BTAF1: variants seen among roughly 807,000 people sequenced by gnomAD.
BTAF1 encodes the protein TATA-binding protein-associated factor 172.
Under a neutral mutation model 227.1 loss-of-function variants are expected in BTAF1, and 38 were observed. That is an observed-to-expected ratio of 0.17 (90% confidence interval 0.13 to 0.22). BTAF1 has a LOEUF of 0.22. Ranked by LOEUF, BTAF1 falls within the 10% of genes least tolerant of loss-of-function variation. The pLI, the probability that BTAF1 is intolerant of heterozygous loss-of-function variation, is 1.00. For missense variants in BTAF1, 1,598 were observed against 2,204.0 expected (o/e 0.73, Z 5.51); for synonymous variants, 742 against 751.9 (o/e 0.99, Z 0.21).
Position 91,991,271 on chromosome 10 carries a change from A to ATATATATATATATATATATAT in BTAF1, c.2855-848_2855-847insTATATATATATATATATATAT, listed in dbSNP as rs1564699914. 1.8e-3 allele frequency among the ~76,000 whole-genome samples: 121 copies of ATATATATATATATATATATAT among 66,118 alleles called. 3 individuals carry two copies. Among genetic ancestry groups the ATATATATATATATATATATAT allele is most frequent in the South Asian group, 6.4e-3 (11 of 1,706 alleles). 43.4% of individuals were successfully genotyped at this position (66,118 alleles called of 152,430 possible). A position where few individuals can be genotyped will look rare whatever the true frequency, so the allele number is the denominator to read the frequency against. On this transcript the variant is annotated intron_variant, in intron 20 of 37. Coordinates refer to ENST00000265990, the MANE Select transcript of BTAF1 (RefSeq NM_003972.3). Reference sequence around the variant, plus strand: ...AAAAAAATATATAAATATAAATATAAATATATATATATATATATATAAATT... The same window carrying ATATATATATATATATATATAT: ...AAAAAAATATATAAATATAAATATAATATATATATATATATATATATATATATATATATATATATATAAATT...
chr10:91,939,716 G>C (rs1844867848), intron 2 of BTAF1, among the ~76,000 whole-genome samples: 1 of 152,194 alleles, frequency 6.6e-6, no homozygotes, highest in African/African-American at 2.4e-5. Context: ...GGGATTATAG[G>C]TGTGAGCCAC....
chr10:91,952,998 A>G (rs1294163497), intron 5 of BTAF1, among the ~76,000 whole-genome samples: 3 of 152,186 alleles, frequency 2.0e-5, no homozygotes, highest in Admixed American at 2.0e-4. Context: ...CCAGATTTAT[A>G]TATCATGGAC....
chr10:91,939,334 A>C (rs1311447922), intron 2 of BTAF1, among the ~76,000 whole-genome samples: 1 of 152,354 alleles, frequency 6.6e-6, no homozygotes, highest in East Asian at 1.9e-4. Flanking sequence ...ATAACTTTCA[A>C]TTCTTTGTAT....
intron 37 of BTAF1, among the ~76,000 whole-genome samples, chr10:92,028,520 T>G (rs1851678206): frequency 6.6e-6 from 1 of 152,178 alleles, no homozygotes; most frequent in Non-Finnish European, 1.5e-5. Context: ...GACATCCATA[T>G]ATACATACAC....
At chr10:91,994,444 C>A in intron 22 of BTAF1, 91 bp from the exon 23 acceptor site, 1 of 857,314 alleles carries the variant, frequency 1.2e-6, no homozygotes, top group Non-Finnish European at 1.8e-6. Flanking sequence ...ATTGACTCTC[C>A]TATGCTAGCT....
chr10:92,007,459 C>T (rs1056723091), intron 25 of BTAF1, among the ~76,000 whole-genome samples: 3 of 152,004 alleles, frequency 2.0e-5, no homozygotes, highest in African/African-American at 4.8e-5. Flanking sequence ...TCAAGTGAGC[C>T]GCCTGCCTCA....
Position 92,008,246 on chromosome 10 carries a change from A to G in BTAF1, c.3784A>G (p.Ile1262Val), listed in dbSNP as rs1564713540. The G allele has an allele frequency of 2.5e-6, 4 of 1,588,990 alleles. No individual in the cohort carries two copies. Among genetic ancestry groups the G allele is most frequent in the Non-Finnish European group, 3.4e-6 (4 of 1,174,310 alleles). ...GGAAAATTATAAAATTCCAGTACCAATCAATGCTGAACTCAGAAAATATCA... is the reference window on the plus strand; with the variant it reads ...GGAAAATTATAAAATTCCAGTACCAGTCAATGCTGAACTCAGAAAATATCA... ...KLENYKIPVP[I>V]NAELRKYQQD... The change falls in exon 26 of 38, where the codon ATC (isoleucine) becomes GTC (valine). Residue 1262 changes from isoleucine to valine, a missense_variant. Around this residue, in one of 10 missense-constraint regions of BTAF1, gnomAD observed 184 missense variants for 341.1 expected, o/e 0.54. Transcript: ENST00000265990.
At chr10:91,946,580 G>A (rs541214699) in intron 4 of BTAF1, among the ~76,000 whole-genome samples, 2 of 152,198 alleles carry the variant, frequency 1.3e-5, no homozygotes, top group South Asian at 2.1e-4. Flanking sequence ...ATTATCTGAT[G>A]TTTTGATTAT....
chr10:92,021,653 TG>T (rs1331140155), intron 34 of BTAF1, among the ~76,000 whole-genome samples: 1 of 151,726 alleles, frequency 6.6e-6, no homozygotes, highest in Non-Finnish European at 1.5e-5. Flanking sequence ...GCCATTCTCT[TG>T]CCTCAGCCTC....
At chr10:91,951,225 A>G (rs898284793) in intron 4 of BTAF1, among the ~76,000 whole-genome samples, 178 bp from the exon 5 acceptor site, 3 of 152,206 alleles carry the variant, frequency 2.0e-5, no homozygotes, top group Non-Finnish European at 4.4e-5. Flanking sequence ...TAACTAGACC[A>G]GTATTTTCCA....
intron 3 of BTAF1, 115 bp from the exon 4 acceptor site, chr10:91,942,295 AGTTTGTGTGTGT>A (rs776917610): frequency 1.8e-6 from 1 of 553,822 alleles, no homozygotes; most frequent in Non-Finnish European, 2.8e-6. Context: ...TAAAAAAAAA[AGTTTGTGTGTGT>A]GTGTGTGTGT....
At chr10:92,024,656 A>G (rs921372354) in intron 34 of BTAF1, 100 bp from the exon 35 acceptor site, 1 of 990,412 alleles carries the variant, frequency 1.0e-6, no homozygotes, top group African/African-American at 1.6e-5. Context: ...GATTTCAGGT[A>G]CATTTAACCT....
At chr10:91,988,369 GT>G (rs1848544200) in intron 19 of BTAF1, among the ~76,000 whole-genome samples, 1 of 152,118 alleles carries the variant, frequency 6.6e-6, no homozygotes, top group Non-Finnish European at 1.5e-5. Context: ...TTAGGACAAT[GT>G]TTTTAAACTT....
At chr10:91,983,306 A>T (rs1459037215) in intron 18 of BTAF1, among the ~76,000 whole-genome samples, 1 of 152,238 alleles carries the variant, frequency 6.6e-6, no homozygotes, top group African/African-American at 2.4e-5. Flanking sequence ...TGTATAAGAC[A>T]TACTTCTGTA....
intron 1 of BTAF1, among the ~76,000 whole-genome samples, chr10:91,931,553 T>C (rs959487932): frequency 6.6e-6 from 1 of 152,102 alleles, no homozygotes; most frequent in Non-Finnish European, 1.5e-5. Context: ...CAGCCCTCCT[T>C]TTAACTTTCC....
At chr10:92,002,093 G>A (rs977266023) in intron 25 of BTAF1, among the ~76,000 whole-genome samples, 5 of 151,408 alleles carry the variant, frequency 3.3e-5, no homozygotes, top group Non-Finnish European at 7.4e-5. Flanking sequence ...GACCCAAATT[G>A]AACTTCTAGA....
intron 4 of BTAF1, among the ~76,000 whole-genome samples, chr10:91,944,157 T>TAA (rs11444924): frequency 1.6e-3 from 231 of 145,764 alleles, no homozygotes; most frequent in African/African-American, 3.7e-3. Context: ...TGTCTCCAAA[T>TAA]AAAAAAAAAA....
Position 91,989,153 on chromosome 10 carries a change from G to A in BTAF1, c.2428-1G>A. ...TTTTTAATTTCTTTTTTTTTTAATA[G>A]GTCACTACTGTTTTTAATGAAGCCA... On this transcript the variant is annotated splice_acceptor_variant, in intron 19 of 37. Transcript: ENST00000265990. LOFTEE classifies it high-confidence loss of function. 6.2e-7 allele frequency: 1 copy of A among 1,602,686 alleles called. No homozygotes were observed.
In BTAF1 at chr10:91,944,632, G is replaced by A. The variant is rs556475842; in HGVS notation, c.400+2064G>A. Among the ~76,000 whole-genome samples the A allele has an allele frequency of 4.7e-4, 72 of 152,282 alleles. 1 individual carries two copies. The Middle Eastern group carries it at 0.01, about 22-fold the overall frequency. The stretch of plus-strand genomic sequence containing the variant: ...TCAGTGGTTTTTAGTATACTCACAG[G>A]TATGTGTAACTATCACCACAATTTT... On this transcript the variant is annotated intron_variant, in intron 4 of 37. Transcript: ENST00000265990.
Sources: gnomAD v4.1 joint callset for allele counts (sites outside exome capture counted in the v4.1 genomes callset) on GRCh38, gnomAD v4.1.1 for gene constraint, gnomAD v4.1.1 regional missense constraint, MANE v1.5 for transcripts, NCBI Gene and HGNC (gene_info 2026-07-23, HGNC 2026-07-21) for gene names.